Variants in ONECUT2 observed in about 807,000 individuals in gnomAD.
ONECUT2 encodes one cut homeobox 2, also known as one cut domain family member 2.
Under a neutral mutation model 27.9 loss-of-function variants are expected in ONECUT2, and 10 were observed. The ratio of observed to expected loss-of-function variants is 0.36; its 90% CI spans 0.22 to 0.61. The LOEUF (loss-of-function observed/expected upper bound fraction) is 0.61. Among genes scored for constraint, ONECUT2 ranks in the 20% least tolerant of loss-of-function variants. The probability of loss-of-function intolerance (pLI) is 0.73; values close to 1 mark genes in which losing one functional copy is unlikely to be tolerated. For missense variants in ONECUT2, 686 were observed against 721.0 expected (o/e 0.95, Z 0.56); for synonymous variants, 334 against 315.1 (o/e 1.06, Z -0.64).
chr18:57,445,976 G>C (rs1181797300), intron 1 of ONECUT2, among the ~76,000 whole-genome samples: 2 of 152,236 alleles, frequency 1.3e-5, no homozygotes, highest in African/African-American at 4.8e-5. Flanking sequence ...TGCTCCATTA[G>C]AACAGGGCAA....
rs1180489051 is a variant in ONECUT2, at chr18:57,436,220, C to T, written c.504C>T (p.His168=). ...PPISTVSDKF[H]HPHPHHHPHH... is the part of the protein sequence containing the mutation. The stretch of plus-strand genomic sequence containing the variant: ...TCTCCACCGTGTCTGACAAGTTCCA[C>T]CACCCTCACCCGCACCACCATCCGC... The change falls in exon 1 of 2, where the codon CAC becomes CAT. Residue 168 remains histidine (H), a synonymous_variant. Coordinates refer to ENST00000491143, the MANE Select transcript of ONECUT2 (RefSeq NM_004852.3). The surrounding 1 kb of genome is among the most constrained non-coding windows in gnomAD (Gnocchi z 5.9). The T allele has an allele frequency of 1.2e-6, 2 of 1,604,196 alleles. No homozygotes were observed. Among genetic ancestry groups the T allele is most frequent in the Non-Finnish European group, 1.7e-6 (2 of 1,177,574 alleles).
At chr18:57,447,469 A>G (rs1467383083) in intron 1 of ONECUT2, among the ~76,000 whole-genome samples, 3 of 152,196 alleles carry the variant, frequency 2.0e-5, no homozygotes, top group Non-Finnish European at 2.9e-5. Flanking sequence ...GAGATCAGCG[A>G]TAATAAAGGG....
Position 57,477,510 on chromosome 18 carries a change from A to C in ONECUT2, c.*787A>C, listed in dbSNP as rs962762069. On this transcript the variant is annotated 3_prime_UTR_variant, in exon 2 of 2. Coordinates refer to ENST00000491143, the MANE Select transcript of ONECUT2 (RefSeq NM_004852.3). ...AGTATCAAGCACAACAAAGATAAAC[A>C]GAAGTGAGGAAGGTTCTGGGTTCAC... 1.3e-5 allele frequency: 2 copies of C among 152,640 alleles called. No homozygotes were observed. The highest frequency in any genetic ancestry group is 2.9e-5 in the Non-Finnish European group (2 of 68,046). The allele number at this position is 152,640 out of a possible 1,614,324, so 9.5% of individuals were successfully genotyped here.
In ONECUT2 at chr18:57,435,501, C is replaced by T. The variant is rs1363116944; in HGVS notation, c.-216C>T. Among the ~76,000 whole-genome samples, 6 of 146,380 alleles carry T rather than the reference C, an allele frequency of 4.1e-5. No individual in the cohort carries two copies. Among genetic ancestry groups the T allele is most frequent in the African/African-American group, 1.0e-4 (4 of 39,688 alleles). On this transcript the variant is annotated 5_prime_UTR_variant, in exon 1 of 2. Transcript: ENST00000491143. The stretch of plus-strand genomic sequence containing the variant: ...GGTGATCCCTCCCTCCCTCCCCGTC[C>T]CCTCCCCTCTCCCGCACGCACGCCC...
Position 57,436,556 on chromosome 18 carries a change from C to T in ONECUT2, c.840C>T (p.Gly280=). The T allele has an allele frequency of 1.2e-6, 2 of 1,611,656 alleles. No individual in the cohort carries two copies. The highest frequency in any genetic ancestry group is 1.7e-6 in the Non-Finnish European group (2 of 1,179,888). Residue 280 remains glycine, a synonymous_variant, in exon 1 of 2, where the codon GGC becomes GGT. Coordinates refer to ENST00000491143, the MANE Select transcript of ONECUT2 (RefSeq NM_004852.3). The surrounding 1 kb of genome is among the most constrained non-coding windows in gnomAD (Gnocchi z 5.9). ...GCGGTGAGCAACACCTGTCCCGCGG[C>T]CTGGGCACCCCACCTGCGGCCATGA... is the stretch of plus-strand genomic sequence containing the variant. ...LTRGEQHLSR[G]LGTPPAAMMS... is the part of the protein sequence containing the mutation.
At chr18:57,468,893 G>C (rs1227479726) in intron 1 of ONECUT2, among the ~76,000 whole-genome samples, 2 of 152,130 alleles carry the variant, frequency 1.3e-5, no homozygotes, top group Non-Finnish European at 2.9e-5. Flanking sequence ...TGATCATGCA[G>C]ATTAGTTCCA....
chr18:57,454,787 A>G (rs1598935590), intron 1 of ONECUT2, among the ~76,000 whole-genome samples: 1 of 152,056 alleles, frequency 6.6e-6, no homozygotes, highest in Non-Finnish European at 1.5e-5. Flanking sequence ...CCCACCCCCA[A>G]TGTCCTTTTA....
intron 1 of ONECUT2, among the ~76,000 whole-genome samples, chr18:57,459,757 C>T (rs750742535): frequency 3.3e-5 from 5 of 152,052 alleles, no homozygotes; most frequent in Non-Finnish European, 5.9e-5. Flanking sequence ...TGGAGTTTCT[C>T]CATGTTGGTC....
At chr18:57,475,667 T>G (rs933582724) in intron 1 of ONECUT2, among the ~76,000 whole-genome samples, 8 of 152,198 alleles carry the variant, frequency 5.3e-5, no homozygotes, top group African/African-American at 1.9e-4. Context: ...TACTCACTTC[T>G]GCTAAATCAA....
chr18:57,453,331 T>C (rs2050241413), intron 1 of ONECUT2, among the ~76,000 whole-genome samples: 1 of 152,238 alleles, frequency 6.6e-6, no homozygotes, highest in Non-Finnish European at 1.5e-5. Flanking sequence ...GACTATGTTG[T>C]CTGAAAAGGA....
chr18:57,468,763 T>A (rs1045709989), intron 1 of ONECUT2, among the ~76,000 whole-genome samples: 1 of 152,236 alleles, frequency 6.6e-6, no homozygotes, highest in Non-Finnish European at 1.5e-5. Context: ...TTGCTGAGAT[T>A]TACCAGCATT....
intron 1 of ONECUT2, among the ~76,000 whole-genome samples, chr18:57,461,629 T>C (rs1182029576): frequency 1.3e-5 from 2 of 152,218 alleles, no homozygotes; most frequent in Non-Finnish European, 1.5e-5. Context: ...CAAATGGAGC[T>C]TAATCCTGCT....
At position 57,436,529 on chromosome 18, in the gene ONECUT2, C is replaced by T. The variant is rs1345336743; in HGVS notation, c.813C>T (p.Thr271=). 3.1e-6 allele frequency: 5 copies of T among 1,612,710 alleles called. No homozygotes were observed. The highest frequency in any genetic ancestry group is 3.3e-5 in the Admixed American group (2 of 60,010). ...NFDAHHTAML[T]RGEQHLSRGL... is the part of the protein sequence containing the mutation. ...ACGCGCACCACACTGCCATGCTGACCCGCGGTGAGCAACACCTGTCCCGCG... is the reference window on the plus strand; with the variant it reads ...ACGCGCACCACACTGCCATGCTGACTCGCGGTGAGCAACACCTGTCCCGCG... Residue 271 remains threonine, a synonymous_variant, in exon 1 of 2, where the codon ACC becomes ACT. Coordinates refer to ENST00000491143, the MANE Select transcript of ONECUT2 (RefSeq NM_004852.3). The surrounding 1 kb of genome is among the most constrained non-coding windows in gnomAD (Gnocchi z 5.9).
rs1262452799 is a variant in ONECUT2 at position 57,485,968 on chromosome 18, T to A, written c.*9245T>A. The A allele has an allele frequency of 2.6e-5, 4 of 152,532 alleles. No individual in the cohort carries two copies. Among genetic ancestry groups the A allele is most frequent in the Non-Finnish European group, 4.4e-5 (3 of 68,062 alleles). 9.4% of individuals were successfully genotyped at this position (152,532 alleles called of 1,614,324 possible). A position where few individuals can be genotyped will look rare whatever the true frequency, so the allele number is the denominator to read the frequency against. On this transcript the variant is annotated 3_prime_UTR_variant, in exon 2 of 2. Transcript: ENST00000491143. ...CCTAAATTCCTATTGGAATTAGAAC[T>A]CTCAGAATCCCTGGGAGACAGAGCA...
Position 57,435,836 on chromosome 18 carries a change from TGGCGGGGGCGGC to T in ONECUT2, c.135_146del (p.Gly51_Gly54del), listed in dbSNP as rs765313963. ...TGCACGGGCCGGCCGGCGGCGGCAG[TGGCGGGGGCGGC>T]GGCGGGGGCGGCGGGGGCGGCGGCG... is the stretch of plus-strand genomic sequence containing the variant. On this transcript the variant is annotated inframe_deletion, in exon 1 of 2. Transcript: ENST00000491143. 3.9e-5 allele frequency: 41 copies of T among 1,045,648 alleles called. 1 individual carries two copies. The highest frequency in any genetic ancestry group is 7.1e-5 in the African/African-American group (4 of 56,308). 64.8% of individuals were successfully genotyped at this position (1,045,648 alleles called of 1,614,324 possible).
At chr18:57,438,313 A>C (rs1398297560) in intron 1 of ONECUT2, among the ~76,000 whole-genome samples, 1 of 152,134 alleles carries the variant, frequency 6.6e-6, no homozygotes, top group African/African-American at 2.4e-5. Context: ...GATCGGGTGG[A>C]GGGGGGTATC....
rs903092272 is a variant in ONECUT2, at chr18:57,481,361, T to C, written c.*4638T>C. ...TTTTCCCCCTGCAGGCTCTTGGCAATTGTAGGCTTTAGCAAATCCAGAATA... is the reference window on the plus strand; with the variant it reads ...TTTTCCCCCTGCAGGCTCTTGGCAACTGTAGGCTTTAGCAAATCCAGAATA... On this transcript the variant is annotated 3_prime_UTR_variant, in exon 2 of 2. Transcript: ENST00000491143. The C allele has an allele frequency of 6.6e-6, 1 of 152,198 alleles. No homozygotes were observed. Among genetic ancestry groups the C allele is most frequent in the Non-Finnish European group, 1.5e-5 (1 of 68,032 alleles). The allele number at this position is 152,198 out of a possible 1,614,324, so 9.4% of individuals were successfully genotyped here.
In ONECUT2 at chr18:57,436,667, G is replaced by T. The variant is rs560459115; in HGVS notation, c.951G>T (p.Ser317=). Residue 317 remains serine (S), a synonymous_variant, in exon 1 of 2, where the codon TCG becomes TCT. Transcript: ENST00000491143. This position sits in a 1 kb window ranked among gnomAD's most constrained non-coding sequence, Gnocchi z 5.9. ...VLAPSRERPP[S]SSSGSQVATS... The stretch of plus-strand genomic sequence containing the variant: ...CACCCAGTCGCGAGCGGCCACCCTC[G>T]TCCTCATCGGGCTCGCAGGTGGCCA... 5 of 1,612,896 alleles carry T rather than the reference G, an allele frequency of 3.1e-6. No individual in the cohort carries two copies. The South Asian group carries it at 3.3e-5, about 11-fold the overall frequency.
rs1166258964 is a variant in ONECUT2, at chr18:57,485,812, T to C, written c.*9089T>C. 6.6e-6 allele frequency: 1 copy of C among 152,242 alleles called. No homozygotes were observed. Among genetic ancestry groups the C allele is most frequent in the Non-Finnish European group, 1.5e-5 (1 of 68,068 alleles). The allele number at this position is 152,242 out of a possible 1,614,324, so 9.4% of individuals were successfully genotyped here. A position where few individuals can be genotyped will look rare whatever the true frequency, so the allele number is the denominator to read the frequency against. ...CTGTAGGAAACACTGTTACTCTCTT[T>C]CTGAAGTTTTCAAGCACCATCCTAT... is the stretch of plus-strand genomic sequence containing the variant. On this transcript the variant is annotated 3_prime_UTR_variant, in exon 2 of 2. Transcript: ENST00000491143.
Sources: gnomAD v4.1 joint callset for allele counts (sites outside exome capture counted in the v4.1 genomes callset) on GRCh38, gnomAD v4.1.1 for gene constraint, Gnocchi (gnomAD v3.1) non-coding constraint, MANE v1.5 for transcripts, NCBI Gene and HGNC (gene_info 2026-07-23, HGNC 2026-07-21) for gene names.